PINX1: variants seen among roughly 807,000 people sequenced by gnomAD.
The protein encoded by PINX1 is PIN2 (TERF1) interacting telomerase inhibitor 1.
PINX1 carries 34 observed loss-of-function variants against 25.4 expected under a neutral mutation model. The observed-to-expected ratio is 1.34, with a 90% CI of 1.02 to 1.78. The LOEUF is 1.78. PINX1 is among the 40% of genes most tolerant of loss of function. The pLI, the probability that PINX1 is intolerant of heterozygous loss-of-function variation, is 0.00. For synonymous variants in PINX1, 197 were observed against 147.7 expected, an observed-to-expected ratio of 1.33 and a Z score of -2.42; for missense variants, 592 against 404.9, an observed-to-expected ratio of 1.46 and a Z score of -3.97.
At chr8:10,819,346 T>C (rs1797795723) in intron 6 of PINX1, among the ~76,000 whole-genome samples, 1 of 152,206 alleles carries the variant, frequency 6.6e-6, no homozygotes, top group Non-Finnish European at 1.5e-5. Context: ...AGTCTTCTTT[T>C]TTGTTCTATG....
chr8:10,775,141 T>C (rs1801347834), intron 6 of PINX1, among the ~76,000 whole-genome samples: 2 of 152,190 alleles, frequency 1.3e-5, no homozygotes, highest in South Asian at 4.1e-4. Flanking sequence ...AAATATATAA[T>C]CCTATAACCT....
At chr8:10,818,071 T>C (rs1797754871) in intron 6 of PINX1, among the ~76,000 whole-genome samples, 3 of 152,206 alleles carry the variant, frequency 2.0e-5, no homozygotes, top group Admixed American at 6.5e-5. Context: ...CAGGACGACC[T>C]TGTTGAGAAC....
chr8:10,823,228 A>C (rs960912832), intron 5 of PINX1, among the ~76,000 whole-genome samples: 2 of 152,254 alleles, frequency 1.3e-5, no homozygotes, highest in African/African-American at 4.8e-5. Flanking sequence ...CAGGAAGCCG[A>C]GCACCTGCAC....
At chr8:10,823,000 A>G (rs1797923617) in intron 5 of PINX1, among the ~76,000 whole-genome samples, 2 of 152,224 alleles carry the variant, frequency 1.3e-5, no homozygotes, top group Admixed American at 6.5e-5. Flanking sequence ...CAGTCAACCG[A>G]GGGCAGAAGA....
intron 6 of PINX1, among the ~76,000 whole-genome samples, chr8:10,799,819 T>C (rs1414700069): frequency 6.6e-6 from 1 of 152,164 alleles, no homozygotes; most frequent in Non-Finnish European, 1.5e-5. Flanking sequence ...ATGCTGGGAA[T>C]TTTACTGGGC....
chr8:10,834,858 GTA>G, intron 1 of PINX1, 83 bp from the exon 2 acceptor site: 4 of 842,184 alleles, frequency 4.7e-6, no homozygotes, highest in Non-Finnish European at 7.6e-6. Context: ...ACAACTTTGT[GTA>G]TTTTATGTAT....
intron 6 of PINX1, among the ~76,000 whole-genome samples, chr8:10,790,099 T>C (rs1184368122): frequency 1.3e-5 from 2 of 151,996 alleles, no homozygotes; most frequent in East Asian, 1.9e-4. Context: ...CTGCACTCAC[T>C]CTCAGGACTC....
intron 6 of PINX1, among the ~76,000 whole-genome samples, chr8:10,772,164 C>T (rs541966032): frequency 1.3e-5 from 2 of 152,244 alleles, no homozygotes; most frequent in African/African-American, 2.4e-5. Context: ...AGAGAGTTCT[C>T]GTGCATACCA....
intron 3 of PINX1, among the ~76,000 whole-genome samples, chr8:10,832,285 T>C (rs902628121): frequency 2.6e-5 from 4 of 152,108 alleles, no homozygotes; most frequent in South Asian, 2.1e-4. Flanking sequence ...AAGTTTATTA[T>C]AAAAAAATGA....
At chr8:10,804,916 C>T (rs1055930832) in intron 6 of PINX1, among the ~76,000 whole-genome samples, 5 of 151,998 alleles carry the variant, frequency 3.3e-5, no homozygotes, top group African/African-American at 1.2e-4. Context: ...CCTGCCTATA[C>T]TTTAATCAAA....
intron 6 of PINX1, among the ~76,000 whole-genome samples, chr8:10,773,975 T>C (rs1402134869): frequency 6.6e-6 from 1 of 152,224 alleles, no homozygotes; most frequent in Non-Finnish European, 1.5e-5. Context: ...TCAACTTCTG[T>C]GAATGATGTC....
intron 6 of PINX1, among the ~76,000 whole-genome samples, chr8:10,804,901 G>C (rs184483870): frequency 6.6e-6 from 1 of 151,768 alleles, no homozygotes; most frequent in Non-Finnish European, 1.5e-5. Context: ...CTCATATGAA[G>C]TGACCCTGCC....
At chr8:10,784,934 A>C (rs1027289570) in intron 6 of PINX1, among the ~76,000 whole-genome samples, 1 of 152,268 alleles carries the variant, frequency 6.6e-6, no homozygotes, top group African/African-American at 2.4e-5. Flanking sequence ...GTTCGAAGAC[A>C]TGCAAACTCT....
chr8:10,774,163 G>A (rs1421867029), intron 6 of PINX1, among the ~76,000 whole-genome samples: 4 of 152,196 alleles, frequency 2.6e-5, no homozygotes, highest in African/African-American at 4.8e-5. Flanking sequence ...TCCACAGGAA[G>A]AGGTGAAAAT....
chr8:10,795,350 G>T (rs1474534041), intron 6 of PINX1, among the ~76,000 whole-genome samples: 1 of 152,164 alleles, frequency 6.6e-6, no homozygotes, highest in African/African-American at 2.4e-5. Context: ...CCTTTCTAAA[G>T]ATGCCAGCAA....
intron 4 of PINX1, among the ~76,000 whole-genome samples, chr8:10,827,767 C>A (rs1047929527): frequency 4.0e-5 from 6 of 151,540 alleles, no homozygotes; most frequent in Non-Finnish European, 8.8e-5. Context: ...AAAAATTAGC[C>A]GGGCGTGGTG....
At chr8:10,790,261 T>C (rs1724655168) in intron 6 of PINX1, among the ~76,000 whole-genome samples, 1 of 152,082 alleles carries the variant, frequency 6.6e-6, no homozygotes, top group Admixed American at 6.6e-5. Flanking sequence ...GAAAAAGTGT[T>C]CAAATGAGAA....
intron 6 of PINX1, among the ~76,000 whole-genome samples, chr8:10,777,201 T>G (rs866860713): frequency 7.2e-5 from 11 of 152,318 alleles, no homozygotes; most frequent in African/African-American, 2.6e-4. Flanking sequence ...CTTTCTCATT[T>G]CTTCTTTATG....
chr8:10,784,671 A>G (rs1389916751), intron 6 of PINX1, among the ~76,000 whole-genome samples: 1 of 152,224 alleles, frequency 6.6e-6, no homozygotes, highest in East Asian at 1.9e-4. Flanking sequence ...GTTCAGGCCC[A>G]CAAAATGCTT....
Sources: gnomAD v4.1 joint callset for allele counts (sites outside exome capture counted in the v4.1 genomes callset) on GRCh38, gnomAD v4.1.1 for gene constraint, MANE v1.5 for transcripts, NCBI Gene and HGNC (gene_info 2026-07-23, HGNC 2026-07-21) for gene names.